The following MARK1 variants were observed in gnomAD, a reference collection of about 807,000 sequenced individuals.
MARK1 encodes the protein microtubule affinity regulating kinase 1.
Under a neutral mutation model 96.3 loss-of-function variants are expected in MARK1, and 40 were observed. The ratio of observed to expected loss-of-function variants is 0.42; its 90% CI spans 0.32 to 0.54. The LOEUF (loss-of-function observed/expected upper bound fraction) is 0.54. MARK1 is among the 20% of genes least tolerant of loss of function. The pLI, the probability that MARK1 is intolerant of heterozygous loss-of-function variation, is 0.16. For missense variants in MARK1, 719 were observed against 984.6 expected (o/e 0.73, Z 3.61); for synonymous variants, 317 against 341.2 (o/e 0.93, Z 0.78).
At chr1:220,636,469 A>T (rs1004744070) in intron 13 of MARK1, among the ~76,000 whole-genome samples, 5 of 152,168 alleles carry the variant, frequency 3.3e-5, no homozygotes, top group Non-Finnish European at 5.9e-5. Context: ...GCAGGAAAGA[A>T]TAGAGATAAG....
At chr1:220,608,529 G>T (rs1666235969) in intron 6 of MARK1, among the ~76,000 whole-genome samples, 1 of 151,948 alleles carries the variant, frequency 6.6e-6, no homozygotes. Flanking sequence ...TGATTTTTTT[G>T]AAGGGTTTTT....
chr1:220,589,563 C>CAAT (rs58623489), intron 3 of MARK1, among the ~76,000 whole-genome samples: 2,924 of 152,238 alleles, frequency 0.019, 41 homozygotes, highest in Middle Eastern at 0.044. Context: ...AAGAAGGAAA[C>CAAT]AAAGACCTCT....
In MARK1 at chr1:220,528,747, C is replaced by T; in HGVS notation, c.-76C>T. On this transcript the variant is annotated 5_prime_UTR_variant, in exon 1 of 18. Coordinates refer to ENST00000366917, the MANE Select transcript of MARK1 (RefSeq NM_018650.5). ...CGGCCTTGTGCTCGCGTCCGCACCC[C>T]TTTCCTGTCGCCCCCCGGGGCCCGC... 7.0e-7 allele frequency: 1 copy of T among 1,435,100 alleles called. No individual in the cohort carries two copies. The highest frequency in any genetic ancestry group is 9.5e-7 in the Non-Finnish European group (1 of 1,055,432). 88.9% of individuals were successfully genotyped at this position (1,435,100 alleles called of 1,614,324 possible).
chr1:220,610,800 ACAGT>A (rs1367446422), intron 6 of MARK1, among the ~76,000 whole-genome samples: 3 of 152,022 alleles, frequency 2.0e-5, no homozygotes, highest in African/African-American at 4.8e-5. Context: ...TTTCCTTCTA[ACAGT>A]CAGGTTCCTC....
rs955207260 is a variant in MARK1 at position 220,662,390 on chromosome 1, A to G, written c.*224A>G. On this transcript the variant is annotated 3_prime_UTR_variant, in exon 18 of 18. Transcript: ENST00000366917. Reference sequence around the variant, plus strand: ...AGTAGGTTCACATGTACAGGTAAGTATATTGTGTATTTCTGTTCATTTTCT... The same window carrying G: ...AGTAGGTTCACATGTACAGGTAAGTGTATTGTGTATTTCTGTTCATTTTCT... 4.1e-6 allele frequency: 2 copies of G among 491,526 alleles called. No individual in the cohort carries two copies. The highest frequency in any genetic ancestry group is 3.7e-5 in the South Asian group (1 of 26,772). The allele number at this position is 491,526 out of a possible 1,614,324, so 30.4% of individuals were successfully genotyped here. A position where few individuals can be genotyped will look rare whatever the true frequency, so the allele number is the denominator to read the frequency against.
rs779080992 is a variant in MARK1, at chr1:220,661,875, T to C, written c.2097T>C (p.Ser699=). ...AGGGTAAAGATTCTAAGCCGCGTTC[T>C]TTGCGGTTCACATGGAGTATGAAGA... The part of the protein sequence containing the change: ...KEEGKDSKPR[S]LRFTWSMKTT... Residue 699 remains serine, a synonymous_variant, in exon 18 of 18, where the codon TCT becomes TCC. Coordinates refer to ENST00000366917, the MANE Select transcript of MARK1 (RefSeq NM_018650.5). 6.4e-5 allele frequency: 104 copies of C among 1,614,056 alleles called. No homozygotes were observed. Among genetic ancestry groups the C allele is most frequent in the Non-Finnish European group, 8.1e-5 (95 of 1,180,030 alleles).
intron 1 of MARK1, among the ~76,000 whole-genome samples, chr1:220,565,116 A>T (rs752863609): frequency 2.6e-5 from 4 of 152,202 alleles, no homozygotes; most frequent in East Asian, 3.8e-4. Flanking sequence ...GTTTGCAGTA[A>T]ATTTTTCATT....
chr1:220,541,538 C>G (rs146847606), intron 1 of MARK1, among the ~76,000 whole-genome samples: 1 of 152,024 alleles, frequency 6.6e-6, no homozygotes, highest in Admixed American at 6.6e-5. Flanking sequence ...ATTGTTGTGT[C>G]GCCGTCTATT....
At chr1:220,554,849 G>A (rs12085964) in intron 1 of MARK1, among the ~76,000 whole-genome samples, 6,542 of 152,232 alleles carry the variant, frequency 0.043, 449 homozygotes, top group African/African-American at 0.15. Flanking sequence ...AGTGGGAATT[G>A]CCATCCCTGA....
intron 1 of MARK1, among the ~76,000 whole-genome samples, chr1:220,547,876 G>C (rs1299361206): frequency 6.6e-6 from 1 of 152,136 alleles, no homozygotes; most frequent in African/African-American, 2.4e-5. Flanking sequence ...TCTGTACTGT[G>C]ATTTTCTTAA....
At position 220,528,375 on chromosome 1, in the gene MARK1, G is replaced by C. The variant is rs981004577; in HGVS notation, c.-448G>C. 3 of 157,548 alleles carry C rather than the reference G, an allele frequency of 1.9e-5. No homozygotes were observed. Among genetic ancestry groups the C allele is most frequent in the African/African-American group, 7.2e-5 (3 of 41,636 alleles). 9.8% of individuals were successfully genotyped at this position (157,548 alleles called of 1,614,324 possible). A position where few individuals can be genotyped will look rare whatever the true frequency, so the allele number is the denominator to read the frequency against. On this transcript the variant is annotated 5_prime_UTR_variant, in exon 1 of 18. Coordinates refer to ENST00000366917, the MANE Select transcript of MARK1 (RefSeq NM_018650.5). ...CCTGAGGCGGAGAACGGGGCGCGGC[G>C]CGGGTGACGCTGTCAGGGCCGCGGT...
chr1:220,604,344 TA>T (rs1665939195), intron 6 of MARK1, among the ~76,000 whole-genome samples: 1 of 151,992 alleles, frequency 6.6e-6, no homozygotes, highest in Non-Finnish European at 1.5e-5. Context: ...CAGATTGTCA[TA>T]AAGAATAAAT....
chr1:220,547,663 C>T (rs1558250079), intron 1 of MARK1, among the ~76,000 whole-genome samples: 1 of 152,108 alleles, frequency 6.6e-6, no homozygotes, highest in Non-Finnish European at 1.5e-5. Context: ...CTCCTGGGTT[C>T]ACACCATTCT....
chr1:220,605,637 G>C (rs559105128), intron 6 of MARK1, among the ~76,000 whole-genome samples: 5 of 151,926 alleles, frequency 3.3e-5, no homozygotes, highest in African/African-American at 1.2e-4. Flanking sequence ...TTTACATTAG[G>C]TATTTCTCTA....
intron 1 of MARK1, among the ~76,000 whole-genome samples, chr1:220,550,527 A>AT (rs1661790233): frequency 6.6e-6 from 1 of 151,992 alleles, no homozygotes; most frequent in African/African-American, 2.4e-5. Context: ...TAATTTTTGT[A>AT]TTTTTTGTAG....
chr1:220,626,359 A>T, intron 9 of MARK1: 1 of 549,926 alleles, frequency 1.8e-6, no homozygotes, highest in Non-Finnish European at 3.7e-6. Context: ...TTCAGGAACT[A>T]GGGATCTACA....
chr1:220,643,277 AAC>A (rs1572223248), intron 13 of MARK1, among the ~76,000 whole-genome samples: 3 of 152,322 alleles, frequency 2.0e-5, no homozygotes, highest in South Asian at 2.1e-4. Context: ...GGAGCCGAAA[AAC>A]ACAGCACGAT....
chr1:220,652,348 T>C (rs184851702), intron 15 of MARK1, among the ~76,000 whole-genome samples, 198 bp downstream of exon 15: 1 of 152,362 alleles, frequency 6.6e-6, no homozygotes. Context: ...ATAACTTAAA[T>C]CATTTTCTAG....
chr1:220,586,959 A>G (rs544682436), intron 3 of MARK1, among the ~76,000 whole-genome samples: 1 of 152,218 alleles, frequency 6.6e-6, no homozygotes, highest in South Asian at 2.1e-4. Flanking sequence ...ATATTTATTT[A>G]TTGCACTAAA....
Sources: allele counts gnomAD v4.1 joint callset (sites outside exome capture counted in the v4.1 genomes callset), GRCh38; gene constraint gnomAD v4.1.1; transcripts MANE v1.5; gene names NCBI Gene and HGNC (gene_info 2026-07-23, HGNC 2026-07-21).